The following PAM variants were observed in gnomAD, a reference collection of about 807,000 sequenced individuals.
PAM encodes peptidyl-glycine alpha-amidating monooxygenase.
Under a neutral mutation model 122.1 loss-of-function variants are expected in PAM, and 72 were observed. The ratio of observed to expected loss-of-function variants is 0.59; its 90% CI spans 0.49 to 0.72. The LOEUF is 0.72. Among genes scored for constraint, PAM ranks in the 30% least tolerant of loss-of-function variants. The pLI, the probability that PAM is intolerant of heterozygous loss-of-function variation, is 0.00. For missense variants in PAM, 1,106 were observed against 1,183.7 expected, an observed-to-expected ratio of 0.93 and a Z score of 0.96; for synonymous variants, 389 against 404.4, an observed-to-expected ratio of 0.96 and a Z score of 0.46.
chr5:102,885,902 C>G (rs1477113124), intron 3 of PAM, among the ~76,000 whole-genome samples: 1 of 151,946 alleles, frequency 6.6e-6, no homozygotes, highest in East Asian at 1.9e-4. Context: ...CCACAGCATT[C>G]ACCAGTGAAG....
intron 1 of PAM, among the ~76,000 whole-genome samples, chr5:102,775,240 A>G (rs1756849911): frequency 6.6e-6 from 1 of 152,116 alleles, no homozygotes; most frequent in Admixed American, 6.6e-5. Flanking sequence ...TCAATATGAC[A>G]CTATTCTTTG....
intron 3 of PAM, among the ~76,000 whole-genome samples, chr5:102,884,575 T>C (rs1267526278): frequency 1.3e-5 from 2 of 152,092 alleles, no homozygotes; most frequent in South Asian, 2.1e-4. Context: ...TGATTCTCTT[T>C]GCACTTATTA....
At position 102,766,926 on chromosome 5, in the gene PAM, A is replaced by ATTTTTT; in HGVS notation, c.-374+11604_-374+11609dup. On this transcript the variant is annotated intron_variant, in intron 1 of 25. Coordinates refer to ENST00000438793, the MANE Select transcript of PAM (RefSeq NM_001177306.2). ...ATTTATTTTATTGCTTCAGTTGTGG[A>ATTTTTT]TTTTTTTTTTTTTTTTTTTTTTTTT... 7.0e-3 allele frequency among the ~76,000 whole-genome samples: 182 copies of ATTTTTT among 25,856 alleles called. 56 individuals carry two copies. The highest frequency in any genetic ancestry group is 0.01 in the African/African-American group (75 of 7,370). 17.0% of individuals were successfully genotyped at this position (25,856 alleles called of 152,430 possible).
intron 1 of PAM, among the ~76,000 whole-genome samples, chr5:102,803,692 A>T (rs1343157906): frequency 6.6e-6 from 1 of 152,168 alleles, no homozygotes; most frequent in Non-Finnish European, 1.5e-5. Context: ...TCTTTAAAAG[A>T]TTGAAAAAAT....
At position 102,807,833 on chromosome 5, in the gene PAM, G is replaced by A. The variant is rs75571206; in HGVS notation, c.-374+52485G>A. On this transcript the variant is annotated intron_variant, in intron 1 of 25. Coordinates refer to ENST00000438793, the MANE Select transcript of PAM (RefSeq NM_001177306.2). The stretch of plus-strand genomic sequence containing the variant: ...GCATTATTTATTGACCTGTGCCTTC[G>A]TCAGAGCTTCAGATGTGAGGGGAAT... Among the ~76,000 whole-genome samples, 1,258 of 152,272 alleles carry A rather than the reference G, an allele frequency of 8.3e-3. 17 individuals are homozygous for A. The highest frequency in any genetic ancestry group is 0.029 in the African/African-American group (1,190 of 41,546).
At chr5:102,808,821 CT>C (rs1766992710) in intron 1 of PAM, among the ~76,000 whole-genome samples, 2 of 152,154 alleles carry the variant, frequency 1.3e-5, no homozygotes, top group Admixed American at 6.5e-5. Flanking sequence ...ACTTTTATAG[CT>C]TTTCAATATC....
At chr5:102,765,152 A>T (rs258132) in intron 1 of PAM, among the ~76,000 whole-genome samples, 71,406 of 151,922 alleles carry the variant, frequency 0.47, 16,964 homozygotes, top group East Asian at 0.52. Flanking sequence ...AGTCACTTGA[A>T]GAAGCTCTAC....
At chr5:102,924,022 G>T (rs986966050) in intron 5 of PAM, among the ~76,000 whole-genome samples, 3 of 152,084 alleles carry the variant, frequency 2.0e-5, no homozygotes, top group African/African-American at 7.2e-5. Context: ...GAAAACTAAG[G>T]CTTGGTAAGA....
intron 12 of PAM, among the ~76,000 whole-genome samples, chr5:102,954,123 T>TA (rs1336675279): frequency 6.6e-6 from 1 of 152,172 alleles, no homozygotes; most frequent in African/African-American, 2.4e-5. Flanking sequence ...ATCCATATAT[T>TA]AAAAAATCAC....
chr5:102,788,345 G>A (rs528482249), intron 1 of PAM, among the ~76,000 whole-genome samples: 2 of 152,024 alleles, frequency 1.3e-5, no homozygotes, highest in South Asian at 2.1e-4. Context: ...GAGTTATTAC[G>A]GTCTTTACTT....
chr5:102,817,475 G>A (rs1561527192), intron 1 of PAM, among the ~76,000 whole-genome samples: 3 of 151,984 alleles, frequency 2.0e-5, no homozygotes, highest in African/African-American at 7.2e-5. Context: ...TAATTACTTA[G>A]TGAAATAATA....
At chr5:102,979,557 A>C (rs1210886648) in intron 15 of PAM, among the ~76,000 whole-genome samples, 1 of 152,096 alleles carries the variant, frequency 6.6e-6, no homozygotes, top group Non-Finnish European at 1.5e-5. Context: ...TATTTCTTAA[A>C]ATTAAATGTG....
chr5:102,850,689 G>A (rs540282295), intron 1 of PAM, among the ~76,000 whole-genome samples: 1 of 152,300 alleles, frequency 6.6e-6, no homozygotes, highest in South Asian at 2.1e-4. Flanking sequence ...TTGGTGGACA[G>A]TACTTGACTT....
chr5:102,923,934 T>G (rs1249703316), intron 5 of PAM, among the ~76,000 whole-genome samples: 7 of 152,194 alleles, frequency 4.6e-5, no homozygotes, highest in Non-Finnish European at 1.0e-4. Flanking sequence ...GGAATAGTAC[T>G]TTGAAGTTTA....
At chr5:103,006,023 C>T (rs1382641376) in intron 18 of PAM, among the ~76,000 whole-genome samples, 1 of 152,128 alleles carries the variant, frequency 6.6e-6, no homozygotes, top group Non-Finnish European at 1.5e-5. Flanking sequence ...CAGCCTCCAC[C>T]TCCCAGGCTG....
intron 21 of PAM, among the ~76,000 whole-genome samples, chr5:103,015,781 G>A (rs1165758820): frequency 6.6e-6 from 1 of 152,032 alleles, no homozygotes; most frequent in African/African-American, 2.4e-5. Flanking sequence ...CAGATTAGTG[G>A]CTCTCTCACT....
rs1231442655 is a variant in PAM at position 103,029,189 on chromosome 5, A to G, written c.*124A>G. ...TACTAGTCTGTGTGGGACTGTACAC[A>G]CTTTATTTACTTCGTTTTGGTTAAG... is the stretch of plus-strand genomic sequence containing the variant. On this transcript the variant is annotated 3_prime_UTR_variant, in exon 26 of 26. Transcript: ENST00000438793. The G allele has an allele frequency of 3.1e-6, 2 of 646,464 alleles. No individual in the cohort carries two copies. The highest frequency in any genetic ancestry group is 4.7e-6 in the Non-Finnish European group (2 of 424,734). 40.0% of individuals were successfully genotyped at this position (646,464 alleles called of 1,614,324 possible).
intron 20 of PAM, 34 bp from the exon 21 acceptor site, chr5:103,009,717 T>A: frequency 8.7e-7 from 1 of 1,146,842 alleles, no homozygotes; most frequent in Non-Finnish European, 1.3e-6. Context: ...TTACCCATAT[T>A]TTAAAGAAAG....
intron 1 of PAM, among the ~76,000 whole-genome samples, chr5:102,808,994 A>G (rs555747497): frequency 5.3e-5 from 8 of 152,362 alleles, no homozygotes; most frequent in African/African-American, 9.6e-5. Flanking sequence ...TAACATTCAG[A>G]CAGAACAGTG....
Sources: allele counts gnomAD v4.1 joint callset (sites outside exome capture counted in the v4.1 genomes callset), GRCh38; gene constraint gnomAD v4.1.1; transcripts MANE v1.5; gene names NCBI Gene and HGNC (gene_info 2026-07-23, HGNC 2026-07-21).